RHOBTB2: variants seen among roughly 807,000 people sequenced by gnomAD.
The protein encoded by RHOBTB2 is rho-related BTB domain-containing protein 2.
In RHOBTB2, 39 loss-of-function variants were observed where a neutral mutation model predicts 66.5. The ratio of observed to expected loss-of-function variants is 0.59; its 90% CI spans 0.45 to 0.77. The LOEUF is 0.77. RHOBTB2 is among the 30% of genes least tolerant of loss of function. The pLI is 0.00. For missense variants in RHOBTB2, 755 were observed against 999.1 expected (o/e 0.76, Z 3.29); for synonymous variants, 390 against 395.0 (o/e 0.99, Z 0.15).
chr8:22,994,558 C>T (rs7841874), upstream of RHOBTB2: 503 of 1,548,248 alleles, frequency 3.2e-4, 3 homozygotes, highest in African/African-American at 5.8e-3. Context: ...TCCTCACAAC[C>T]AGGAGCCTGG....
chr8:23,002,547 C>T lies in RHOBTB2; in HGVS notation c.-10-1878C>T, dbSNP rs533218949. On this transcript the variant is annotated intron_variant, in intron 1 of 9. Transcript: ENST00000251822. ...TATCTACTAAAAATACAAAATTAGC[C>T]GGCATAGTGGCACACACCTGTAATC... is the stretch of plus-strand genomic sequence containing the variant. 6.6e-5 allele frequency among the ~76,000 whole-genome samples: 10 copies of T among 152,092 alleles called. No individual in the cohort carries two copies. In the East Asian group the frequency reaches 7.7e-4, roughly 12 times the overall value.
At chr8:22,957,568 G>A in the RHOBTB2 span, among the ~76,000 whole-genome samples, 1 of 152,152 alleles carries the variant, frequency 6.6e-6, no homozygotes, top group Non-Finnish European at 1.5e-5. Flanking sequence ...TGTGTTCCTG[G>A]ACCAAACTGA....
chr8:23,013,160 C>T (rs1453912313), intron 7 of RHOBTB2, among the ~76,000 whole-genome samples: 2 of 152,038 alleles, frequency 1.3e-5, no homozygotes, highest in African/African-American at 4.8e-5. Context: ...GTCTTAAACT[C>T]CAGCCTCAAG....
chr8:22,998,463 G>A (rs1296292004), upstream of RHOBTB2, among the ~76,000 whole-genome samples: 1 of 152,098 alleles, frequency 6.6e-6, no homozygotes, highest in South Asian at 2.1e-4. Context: ...GCTGGGCATG[G>A]TGGCTCACGC....
At chr8:22,959,189 C>G in the RHOBTB2 span, among the ~76,000 whole-genome samples, 1 of 152,190 alleles carries the variant, frequency 6.6e-6, no homozygotes, top group Non-Finnish European at 1.5e-5. Flanking sequence ...ACCCCAGCCA[C>G]AGACCCATCC....
the RHOBTB2 span, among the ~76,000 whole-genome samples, chr8:22,972,967 G>A: frequency 2.6e-5 from 4 of 152,144 alleles, no homozygotes; most frequent in African/African-American, 9.7e-5. Flanking sequence ...CTCTCCACCA[G>A]GCCCCTGCGC....
intron 8 of RHOBTB2, among the ~76,000 whole-genome samples, chr8:23,015,334 G>A (rs1433415602): frequency 6.6e-6 from 1 of 152,170 alleles, no homozygotes; most frequent in African/African-American, 2.4e-5. Context: ...GGTAGGTTGA[G>A]ATCTGAGGAG....
Position 23,010,450 on chromosome 8 carries a change from G to C in RHOBTB2, c.1621-88G>C, listed in dbSNP as rs1811108094. 2.7e-6 allele frequency: 4 copies of C among 1,461,088 alleles called. No individual in the cohort carries two copies. In the Admixed American group the frequency reaches 8.0e-5, roughly 29 times the overall value. The allele number at this position is 1,461,088 out of a possible 1,614,324, so 90.5% of individuals were successfully genotyped here. ...CCCGTCTGGGGGAGCCTGGGTGTGA[G>C]GGCCAGAGCTCTTCAATTTCTCAGG... On this transcript the variant is annotated intron_variant, in intron 6 of 9. Transcript: ENST00000251822.
At chr8:22,955,946 C>A in the RHOBTB2 span, among the ~76,000 whole-genome samples, 53 of 152,236 alleles carry the variant, frequency 3.5e-4, no homozygotes, top group Admixed American at 6.5e-4. Flanking sequence ...GAGCTTCCCC[C>A]CAAAGGCAGA....
chr8:22,961,451 T>C, the RHOBTB2 span, among the ~76,000 whole-genome samples: 3 of 152,240 alleles, frequency 2.0e-5, no homozygotes, highest in Admixed American at 2.0e-4. Flanking sequence ...TGGAGTTCTC[T>C]GAACCTCTGC....
chr8:23,017,631 G>A lies in RHOBTB2; in HGVS notation c.*162G>A. The A allele has an allele frequency of 8.6e-7, 1 of 1,162,506 alleles. No individual in the cohort carries two copies. Among genetic ancestry groups the A allele is most frequent in the South Asian group, 1.6e-5 (1 of 64,348 alleles). The allele number at this position is 1,162,506 out of a possible 1,614,324, so 72.0% of individuals were successfully genotyped here. A position where few individuals can be genotyped will look rare whatever the true frequency, so the allele number is the denominator to read the frequency against. On this transcript the variant is annotated 3_prime_UTR_variant, in exon 10 of 10. Transcript: ENST00000251822. The surrounding 1 kb of genome is among the most constrained non-coding windows in gnomAD (Gnocchi z 5.3). Reference sequence around the variant, plus strand: ...TACCAGCCACCGTGGCTCAGCCAGAGAGGAGCTGAGCCCTGTGGAGCAGAA... The same window carrying A: ...TACCAGCCACCGTGGCTCAGCCAGAAAGGAGCTGAGCCCTGTGGAGCAGAA...
intron 1 of RHOBTB2, chr8:22,987,678 CA>C (rs1341742300): frequency 1.3e-5 from 2 of 152,332 alleles, no homozygotes; most frequent in African/African-American, 2.4e-5. Flanking sequence ...GCACAATTTC[CA>C]GTTCTCAGAA....
chr8:23,003,142 C>G (rs1052421402), intron 1 of RHOBTB2, among the ~76,000 whole-genome samples: 29 of 152,232 alleles, frequency 1.9e-4, no homozygotes, highest in Non-Finnish European at 5.9e-5. Flanking sequence ...TTCATACACA[C>G]AGGAATGTGA....
chr8:22,984,757 C>G (rs1023080219), upstream of RHOBTB2: 1 of 152,156 alleles, frequency 6.6e-6, no homozygotes, highest in Non-Finnish European at 1.5e-5. Context: ...AACCCTGTCT[C>G]TACTAAAAAT....
the RHOBTB2 span, among the ~76,000 whole-genome samples, chr8:22,977,232 C>T: frequency 6.6e-6 from 1 of 152,316 alleles, no homozygotes; most frequent in East Asian, 1.9e-4. Flanking sequence ...ATGACTTTCA[C>T]CCTACACTTC....
chr8:22,969,646 A>T, the RHOBTB2 span, among the ~76,000 whole-genome samples: 1 of 152,264 alleles, frequency 6.6e-6, no homozygotes, highest in South Asian at 2.1e-4. Flanking sequence ...TCTATCTGAA[A>T]TTTACCTTAA....
chr8:22,998,469 C>T (rs543206103), upstream of RHOBTB2, among the ~76,000 whole-genome samples: 168 of 152,216 alleles, frequency 1.1e-3, no homozygotes, highest in Non-Finnish European at 2.0e-3. Flanking sequence ...CATGGTGGCT[C>T]ACGCCTGTAA....
the RHOBTB2 span, among the ~76,000 whole-genome samples, chr8:22,962,899 A>G: frequency 1.2e-3 from 183 of 152,344 alleles, 3 homozygotes; most frequent in East Asian, 0.026. Context: ...TGAGTGGACC[A>G]CCTGGGTGGA....
intron 6 of RHOBTB2, among the ~76,000 whole-genome samples, chr8:23,010,027 A>G (rs1158975664): frequency 6.6e-6 from 1 of 152,130 alleles, no homozygotes; most frequent in Non-Finnish European, 1.5e-5. Context: ...TCTGTATCCC[A>G]CTTCTGTTCT....
Sources: allele counts gnomAD v4.1 joint callset (sites outside exome capture counted in the v4.1 genomes callset), GRCh38; gene constraint gnomAD v4.1.1; non-coding constraint Gnocchi (gnomAD v3.1); transcripts MANE v1.5; gene names NCBI Gene and HGNC (gene_info 2026-07-23, HGNC 2026-07-21).